The following REDIC1 variants were observed in gnomAD, a reference collection of about 807,000 sequenced individuals.
The protein encoded by REDIC1 is regulator of DNA class I crossover intermediates 1.
the REDIC1 span, among the ~76,000 whole-genome samples, chr12:39,888,685 TAATGTGATGTTTAC>T: frequency 1.1e-4 from 16 of 152,250 alleles, no homozygotes; most frequent in African/African-American, 3.6e-4. Flanking sequence ...TGTTTGCTAA[TAATGTGATGTTTAC>T]AATGGCATAA....
At chr12:39,852,830 T>C in the REDIC1 span, among the ~76,000 whole-genome samples, 1 of 152,174 alleles carries the variant, frequency 6.6e-6, no homozygotes, top group Non-Finnish European at 1.5e-5. Context: ...CGGTATAACT[T>C]TGTAACATCA....
the REDIC1 span, among the ~76,000 whole-genome samples, chr12:39,825,037 T>C: frequency 6.6e-6 from 1 of 152,096 alleles, no homozygotes; most frequent in Admixed American, 6.5e-5. Flanking sequence ...TACATCAGAG[T>C]GCAGCTTTGA....
chr12:39,686,445 A>T, the REDIC1 span, among the ~76,000 whole-genome samples: 1 of 152,192 alleles, frequency 6.6e-6, no homozygotes, highest in African/African-American at 2.4e-5. Flanking sequence ...TGAGCTGTAC[A>T]TGGGCCCCTT....
At chr12:39,760,824 A>G in the REDIC1 span, among the ~76,000 whole-genome samples, 4 of 151,986 alleles carry the variant, frequency 2.6e-5, no homozygotes, top group Non-Finnish European at 1.5e-5. Flanking sequence ...GGGTCATGAT[A>G]GCAAGCCTAG....
At chr12:39,694,269 C>T in the REDIC1 span, among the ~76,000 whole-genome samples, 1 of 152,134 alleles carries the variant, frequency 6.6e-6, no homozygotes, top group African/African-American at 2.4e-5. Context: ...AAAAAAACAC[C>T]TTCCTAAGAA....
At chr12:39,647,928 T>C in the REDIC1 span, 1 of 1,604,896 alleles carries the variant, frequency 6.2e-7, no homozygotes, top group South Asian at 1.1e-5. Flanking sequence ...ACATCTGGAA[T>C]AGCACCTACT....
At chr12:39,741,133 A>G in the REDIC1 span, among the ~76,000 whole-genome samples, 1 of 152,134 alleles carries the variant, frequency 6.6e-6, no homozygotes, top group African/African-American at 2.4e-5. Flanking sequence ...ATTCTTAAAC[A>G]TGTCCTTAAT....
the REDIC1 span, among the ~76,000 whole-genome samples, chr12:39,786,448 A>G: frequency 7.7e-6 from 1 of 129,278 alleles, no homozygotes; most frequent in Non-Finnish European, 1.7e-5. Flanking sequence ...AGTTTTCAGT[A>G]TGTCTTTATC....
chr12:39,806,079 T>C, the REDIC1 span, among the ~76,000 whole-genome samples: 1 of 152,208 alleles, frequency 6.6e-6, no homozygotes, highest in Admixed American at 6.5e-5. Context: ...ACAGAACTGA[T>C]TATTTAAAAT....
At chr12:39,712,852 C>T in the REDIC1 span, among the ~76,000 whole-genome samples, 3 of 81,582 alleles carry the variant, frequency 3.7e-5, no homozygotes, top group South Asian at 3.8e-4. Context: ...CGTATATACA[C>T]ATATGTATAT....
the REDIC1 span, among the ~76,000 whole-genome samples, chr12:39,656,052 G>A: frequency 6.6e-6 from 1 of 151,778 alleles, no homozygotes; most frequent in African/African-American, 2.4e-5. Flanking sequence ...GTCACAATAT[G>A]TTATTCTTGT....
chr12:39,747,983 G>A, the REDIC1 span, among the ~76,000 whole-genome samples: 1 of 152,208 alleles, frequency 6.6e-6, no homozygotes, highest in Non-Finnish European at 1.5e-5. Context: ...TTGCCAAATT[G>A]TAAAGACCAT....
At chr12:39,858,918 T>C in the REDIC1 span, among the ~76,000 whole-genome samples, 2 of 152,146 alleles carry the variant, frequency 1.3e-5, no homozygotes, top group Admixed American at 6.5e-5. Flanking sequence ...TTTTACACAT[T>C]TCTAAGGTTG....
the REDIC1 span, among the ~76,000 whole-genome samples, chr12:39,807,098 AGGTTGGT>A: frequency 0.017 from 2,491 of 148,812 alleles, 36 homozygotes; most frequent in Non-Finnish European, 0.025. Context: ...GCAACACATT[AGGTTGGT>A]GGAAAAGTAA....
chr12:39,810,856 A>G, the REDIC1 span, among the ~76,000 whole-genome samples: 1 of 152,128 alleles, frequency 6.6e-6, no homozygotes, highest in African/African-American at 2.4e-5. Context: ...TCTGTATACA[A>G]GGGAGATACT....
chr12:39,748,563 G>A, the REDIC1 span, among the ~76,000 whole-genome samples: 1 of 152,118 alleles, frequency 6.6e-6, no homozygotes, highest in African/African-American at 2.4e-5. Flanking sequence ...TCTGCACCAA[G>A]CAGACCTAAT....
the REDIC1 span, among the ~76,000 whole-genome samples, chr12:39,901,955 A>G: frequency 9.2e-5 from 14 of 152,232 alleles, 1 homozygote; most frequent in Admixed American, 6.5e-4. Flanking sequence ...ATGTCCATCA[A>G]TGATAGACTG....
the REDIC1 span, among the ~76,000 whole-genome samples, chr12:39,682,195 T>A: frequency 6.6e-6 from 1 of 152,134 alleles, no homozygotes. Context: ...TCATAACTAT[T>A]TGATTTTATG....
chr12:39,896,465 T>TATATGTATATGTGTATATATGTAC, the REDIC1 span, among the ~76,000 whole-genome samples: 1 of 141,450 alleles, frequency 7.1e-6, no homozygotes, highest in Non-Finnish European at 1.5e-5. Flanking sequence ...TATATATGTA[T>TATATGTATATGTGTATATATGTAC]ACATATATGT....
Sources: gnomAD v4.1 joint callset for allele counts (sites outside exome capture counted in the v4.1 genomes callset) on GRCh38, gnomAD v4.1.1 for gene constraint, MANE v1.5 for transcripts, NCBI Gene and HGNC (gene_info 2026-07-23, HGNC 2026-07-21) for gene names.